Variants in TCF4 observed in about 807,000 individuals in gnomAD.
TCF4 encodes the protein SL3-3 enhancer factor 2.
In TCF4, 3 loss-of-function variants were observed where a neutral mutation model predicts 82.1. That is an observed-to-expected ratio of 0.04 (90% CI 0.02 to 0.09). TCF4 has a LOEUF of 0.09. Among genes scored for constraint, TCF4 ranks in the 10% least tolerant of loss-of-function variants. TCF4 has a pLI of 1.00. For synonymous variants in TCF4, 276 were observed against 309.6 expected, an observed-to-expected ratio of 0.89 and a Z score of 1.14; for missense variants, 518 against 852.7, an observed-to-expected ratio of 0.61 and a Z score of 4.89.
chr18:55,335,043 G>T (rs577480778), intron 8 of TCF4, among the ~76,000 whole-genome samples: 73 of 152,288 alleles, frequency 4.8e-4, no homozygotes, highest in African/African-American at 1.7e-3. Context: ...TGAATGCTCT[G>T]TGACGCTCTT....
intron 6 of TCF4, among the ~76,000 whole-genome samples, chr18:55,377,887 C>T (rs2091135529): frequency 6.6e-6 from 1 of 152,156 alleles, no homozygotes; most frequent in Non-Finnish European, 1.5e-5. Flanking sequence ...TACTTTGTAG[C>T]TCTAGAAAAG....
intron 2 of TCF4, among the ~76,000 whole-genome samples, chr18:55,622,072 A>AAT (rs1189961402): frequency 1.4e-4 from 20 of 138,010 alleles, no homozygotes; most frequent in African/African-American, 4.3e-4. Flanking sequence ...CTGTATATAT[A>AAT]ATATATATAT....
chr18:55,583,298 G>A (rs2097595367), intron 3 of TCF4, among the ~76,000 whole-genome samples: 1 of 152,052 alleles, frequency 6.6e-6, no homozygotes, highest in African/African-American at 2.4e-5. Context: ...TATTAAGAGT[G>A]AAGTCTCTCT....
chr18:55,245,305 A>C (rs911510721), intron 15 of TCF4, among the ~76,000 whole-genome samples: 1 of 152,250 alleles, frequency 6.6e-6, no homozygotes. Context: ...GAATGTGAAA[A>C]AATATAAAAT....
At chr18:55,480,298 CG>C (rs1249984705) in intron 3 of TCF4, among the ~76,000 whole-genome samples, 18 of 27,766 alleles carry the variant, frequency 6.5e-4, no homozygotes, top group Admixed American at 2.8e-3. Context: ...AAAAAAAAAG[CG>C]GGGGGGCGGG....
chr18:55,444,923 C>T (rs564717243), intron 5 of TCF4, among the ~76,000 whole-genome samples: 1 of 152,340 alleles, frequency 6.6e-6, no homozygotes, highest in Non-Finnish European at 1.5e-5. Flanking sequence ...CAAGGACGAC[C>T]CCTGCCTTGC....
intron 3 of TCF4, among the ~76,000 whole-genome samples, chr18:55,472,561 C>T (rs2096207726): frequency 6.6e-6 from 1 of 152,096 alleles, no homozygotes; most frequent in African/African-American, 2.4e-5. Context: ...AAATAAGAGC[C>T]ATGAATAACT....
chr18:55,511,841 AC>A (rs1318312619), intron 3 of TCF4, among the ~76,000 whole-genome samples: 1 of 152,172 alleles, frequency 6.6e-6, no homozygotes, highest in Non-Finnish European at 1.5e-5. Flanking sequence ...TGTAACTTGC[AC>A]TTAGGCAGAC....
At chr18:55,463,238 T>C (rs2095908991) in intron 4 of TCF4, among the ~76,000 whole-genome samples, 1 of 152,154 alleles carries the variant, frequency 6.6e-6, no homozygotes, top group African/African-American at 2.4e-5. Context: ...GTTAAAGAAA[T>C]TTCATACAAA....
At chr18:55,305,498 C>A (rs1162550202) in intron 8 of TCF4, among the ~76,000 whole-genome samples, 2 of 152,048 alleles carry the variant, frequency 1.3e-5, no homozygotes, top group Non-Finnish European at 2.9e-5. Context: ...ATTTCCAGTA[C>A]AAAAGTACCA....
At chr18:55,425,988 A>G (rs1436969940) in intron 5 of TCF4, among the ~76,000 whole-genome samples, 1 of 152,036 alleles carries the variant, frequency 6.6e-6, no homozygotes, top group African/African-American at 2.4e-5. Flanking sequence ...TTCCTTTTCC[A>G]CATCAAGACT....
chr18:55,588,520 T>A (rs936157016), upstream of TCF4: 7 of 1,533,898 alleles, frequency 4.6e-6, no homozygotes, highest in Non-Finnish European at 6.1e-6. Flanking sequence ...AACAGTTCAG[T>A]TTTTGCCCGT....
At chr18:55,631,685 A>T (rs1004647771) in intron 1 of TCF4, among the ~76,000 whole-genome samples, 2 of 152,190 alleles carry the variant, frequency 1.3e-5, no homozygotes, top group Admixed American at 6.5e-5. Flanking sequence ...GATTCAGTCT[A>T]TTGAGTTCTG....
At chr18:55,478,407 T>C (rs2096346859) in intron 3 of TCF4, among the ~76,000 whole-genome samples, 1 of 152,182 alleles carries the variant, frequency 6.6e-6, no homozygotes, top group Non-Finnish European at 1.5e-5. Flanking sequence ...CCAAATCAAA[T>C]TCAAAAACTC....
At chr18:55,621,837 C>T (rs28481539) in intron 2 of TCF4, among the ~76,000 whole-genome samples, 1 of 57,228 alleles carries the variant, frequency 1.7e-5, no homozygotes, top group East Asian at 4.5e-4. Flanking sequence ...TATATATACA[C>T]TATATACAAT....
chr18:55,337,639 A>G (rs1213311278), intron 8 of TCF4, among the ~76,000 whole-genome samples: 3 of 152,180 alleles, frequency 2.0e-5, no homozygotes, highest in African/African-American at 7.2e-5. Flanking sequence ...ACAGTCCAAA[A>G]TTGATTTGAA....
intron 3 of TCF4, among the ~76,000 whole-genome samples, chr18:55,568,074 A>G (rs1056912664): frequency 6.6e-6 from 1 of 151,912 alleles, no homozygotes; most frequent in African/African-American, 2.4e-5. Flanking sequence ...TACAGTCACC[A>G]CAGTCATCAG....
intron 8 of TCF4, chr18:55,331,978 A>G (rs1411916675): frequency 6.6e-6 from 1 of 152,206 alleles, no homozygotes; most frequent in African/African-American, 2.4e-5. Context: ...TGCCAACAAC[A>G]TGCTAAAGGC....
At chr18:55,548,727 T>G (rs2097229759) in intron 3 of TCF4, among the ~76,000 whole-genome samples, 3 of 152,224 alleles carry the variant, frequency 2.0e-5, no homozygotes, top group South Asian at 2.1e-4. Context: ...AGCATGTTAT[T>G]GTACTAAATA....
Sources: allele counts gnomAD v4.1 joint callset (sites outside exome capture counted in the v4.1 genomes callset), GRCh38; gene constraint gnomAD v4.1.1; transcripts MANE v1.5; gene names NCBI Gene and HGNC (gene_info 2026-07-23, HGNC 2026-07-21).